Variants in SORCS3 observed in about 807,000 individuals in gnomAD.
SORCS3 encodes the protein VPS10 domain-containing receptor SorCS3.
SORCS3 carries 57 observed loss-of-function variants against 146.3 expected under a neutral mutation model. The observed-to-expected ratio is 0.39, with a 90% CI of 0.31 to 0.49. SORCS3 has a LOEUF of 0.49. SORCS3 is among the 20% of genes least tolerant of loss of function. The probability of loss-of-function intolerance (pLI) is 0.92; values close to 1 mark genes in which losing one functional copy is unlikely to be tolerated. For synonymous variants in SORCS3, 653 were observed against 618.5 expected (o/e 1.06, Z -0.83); for missense variants, 1,341 against 1,575.5 (o/e 0.85, Z 2.52).
chr10:104,669,492 T>C (rs1322749651), intron 1 of SORCS3, among the ~76,000 whole-genome samples: 1 of 152,242 alleles, frequency 6.6e-6, no homozygotes, highest in Admixed American at 6.5e-5. Flanking sequence ...TGGAATCATA[T>C]AGCATTTGCC....
chr10:105,256,788 G>A, intron 24 of SORCS3, 31 bp from the exon 25 acceptor site: 3 of 1,564,110 alleles, frequency 1.9e-6, no homozygotes, highest in Non-Finnish European at 2.6e-6. Flanking sequence ...GAGCATATCT[G>A]TTCTTTTCCT....
At chr10:104,655,804 G>A (rs765835268) in intron 1 of SORCS3, among the ~76,000 whole-genome samples, 7 of 152,120 alleles carry the variant, frequency 4.6e-5, no homozygotes, top group Non-Finnish European at 7.3e-5. Context: ...TGCTTCTTCC[G>A]TGTAAGACAT....
At chr10:104,831,048 ACTC>A (rs2017995209) in intron 1 of SORCS3, among the ~76,000 whole-genome samples, 1 of 151,790 alleles carries the variant, frequency 6.6e-6, no homozygotes, top group Non-Finnish European at 1.5e-5. Context: ...CTGGTCGTGA[ACTC>A]CTAGGCTCAA....
At chr10:105,256,046 A>G (rs1425318919) in intron 24 of SORCS3, among the ~76,000 whole-genome samples, 1 of 152,190 alleles carries the variant, frequency 6.6e-6, no homozygotes, top group African/African-American at 2.4e-5. Context: ...GAGAAAACCT[A>G]CAATTTACTT....
At position 105,176,035 on chromosome 10, in the gene SORCS3, T is replaced by A. The variant is rs558912541; in HGVS notation, c.1902-2031T>A. Among the ~76,000 whole-genome samples the A allele has an allele frequency of 1.3e-4, 20 of 152,280 alleles. No homozygotes were observed. In the Middle Eastern group the frequency reaches 0.014, roughly 104 times the overall value. ...TAGAGAGTGAACCATGTAGGCTGGC[T>A]GCTAATGGGGTGGTAATTCACACCC... is the stretch of plus-strand genomic sequence containing the variant. On this transcript the variant is annotated intron_variant, in intron 13 of 26. Coordinates refer to ENST00000369701, the MANE Select transcript of SORCS3 (RefSeq NM_014978.3).
intron 9 of SORCS3, 115 bp from the exon 10 acceptor site, chr10:105,157,023 T>G: frequency 8.1e-7 from 1 of 1,230,724 alleles, no homozygotes; most frequent in Non-Finnish European, 1.1e-6. Context: ...TTCCTTCTTT[T>G]CTTGCTTGGA....
intron 2 of SORCS3, among the ~76,000 whole-genome samples, chr10:104,908,091 C>T (rs1254982741): frequency 6.6e-6 from 1 of 152,224 alleles, no homozygotes; most frequent in Non-Finnish European, 1.5e-5. Flanking sequence ...CTGTGGTTCA[C>T]CACACACCAG....
chr10:105,143,292 T>C (rs1182316205), intron 8 of SORCS3, among the ~76,000 whole-genome samples: 1 of 152,178 alleles, frequency 6.6e-6, no homozygotes, highest in Non-Finnish European at 1.5e-5. Flanking sequence ...TACCACTCTC[T>C]AAATGTTGGT....
At chr10:105,262,268 T>C in intron 25 of SORCS3, 63 bp from the exon 26 acceptor site, 1 of 1,515,708 alleles carries the variant, frequency 6.6e-7, no homozygotes, top group Non-Finnish European at 9.1e-7. Context: ...CCCCAGGATT[T>C]CCAGCTGCCC....
intron 1 of SORCS3, among the ~76,000 whole-genome samples, chr10:104,796,437 ATTT>A (rs58243391): frequency 6.9e-6 from 1 of 144,858 alleles, no homozygotes. Flanking sequence ...GATAATCTCC[ATTT>A]TTTTTTTTTT....
At chr10:104,910,235 A>G (rs1404394348) in intron 2 of SORCS3, among the ~76,000 whole-genome samples, 1 of 152,170 alleles carries the variant, frequency 6.6e-6, no homozygotes, top group Admixed American at 6.5e-5. Context: ...CAGGCGGTGA[A>G]ACCAAGGAGC....
chr10:104,796,880 A>G (rs2017562706), intron 1 of SORCS3, among the ~76,000 whole-genome samples: 1 of 152,206 alleles, frequency 6.6e-6, no homozygotes, highest in Non-Finnish European at 1.5e-5. Flanking sequence ...GACACACTCC[A>G]GACTATTTAC....
At chr10:104,995,158 C>CTTTTTTTTTTTT (rs777456023) in intron 4 of SORCS3, among the ~76,000 whole-genome samples, 2 of 140,962 alleles carry the variant, frequency 1.4e-5, no homozygotes, top group Admixed American at 7.0e-5. Context: ...TTCTTTCTTT[C>CTTTTTTTTTTTT]TTTCTCTTTT....
chr10:104,718,887 T>G (rs977211513), intron 1 of SORCS3, among the ~76,000 whole-genome samples: 1 of 152,204 alleles, frequency 6.6e-6, no homozygotes, highest in Non-Finnish European at 1.5e-5. Flanking sequence ...ATTCTGGTTT[T>G]ATTTCATAAA....
At chr10:104,773,639 C>A (rs762062029) in intron 1 of SORCS3, among the ~76,000 whole-genome samples, 25 of 152,314 alleles carry the variant, frequency 1.6e-4, no homozygotes, top group Non-Finnish European at 3.2e-4. Flanking sequence ...GCAGACACTG[C>A]TGTGTGTTGT....
intron 7 of SORCS3, among the ~76,000 whole-genome samples, chr10:105,126,921 T>C (rs541344071): frequency 6.6e-6 from 1 of 152,278 alleles, no homozygotes; most frequent in South Asian, 2.1e-4. Flanking sequence ...CCTTATATTG[T>C]CATTTGTACA....
chr10:104,743,333 A>G (rs148011963), intron 1 of SORCS3, among the ~76,000 whole-genome samples: 1 of 152,218 alleles, frequency 6.6e-6, no homozygotes, highest in Admixed American at 6.5e-5. Context: ...TACATGTCTC[A>G]GAAAACTCAC....
At chr10:104,665,011 AT>A (rs2015753551) in intron 1 of SORCS3, 2 of 153,048 alleles carry the variant, frequency 1.3e-5, no homozygotes, top group South Asian at 4.1e-4. Context: ...AGATGGTGAC[AT>A]GTTTGAGGAC....
chr10:104,965,061 G>A (rs7922448), intron 3 of SORCS3, among the ~76,000 whole-genome samples: 30,712 of 151,980 alleles, frequency 0.2, 3,988 homozygotes, highest in African/African-American at 0.36. Context: ...TTCCTAAGGC[G>A]GAATAATATT....
Sources: gnomAD v4.1 joint callset for allele counts (sites outside exome capture counted in the v4.1 genomes callset) on GRCh38, gnomAD v4.1.1 for gene constraint, MANE v1.5 for transcripts, NCBI Gene and HGNC (gene_info 2026-07-23, HGNC 2026-07-21) for gene names.